The following PIGZ variants were observed in gnomAD, a reference collection of about 807,000 sequenced individuals.
The protein encoded by PIGZ is phosphatidylinositol glycan anchor biosynthesis class Z (Gwada blood group), also known as GPI alpha-1,2-mannosyltransferase 4.
In PIGZ, 16 loss-of-function variants were observed where a neutral mutation model predicts 16.4. The observed-to-expected ratio is 0.97, with a 90% confidence interval of 0.66 to 1.48. The LOEUF (loss-of-function observed/expected upper bound fraction) is 1.48, where lower values mean the gene tolerates loss of function less well. PIGZ is among the 40% of genes most tolerant of loss of function. PIGZ has a pLI of 0.00. For missense variants in PIGZ, 770 were observed against 739.2 expected (o/e 1.04, Z -0.48); for synonymous variants, 409 against 338.4 (o/e 1.21, Z -2.29).
rs942681872 is a variant in PIGZ, at chr3:196,968,810, G to A, written c.-124C>T. 6.6e-6 allele frequency: 1 copy of A among 150,446 alleles called. No homozygotes were observed. Among genetic ancestry groups the A allele is most frequent in the African/African-American group, 2.4e-5 (1 of 41,262 alleles). 9.3% of individuals were successfully genotyped at this position (150,446 alleles called of 1,614,324 possible). ...GAGGGGAGGCCGTGGGAGCGGCCGG[G>A]CGCGCCTCAGCAGCGCGGAGACTGG... is the stretch of plus-strand genomic sequence containing the variant. On this transcript the variant is annotated 5_prime_UTR_variant, in exon 1 of 3. Coordinates refer to ENST00000412723, the MANE Select transcript of PIGZ (RefSeq NM_025163.4).
rs1248695821 is a variant in PIGZ, at chr3:196,946,740, G to GGTTGCCTATC, written c.*416_*417insGATAGGCAAC. 2.5e-5 allele frequency: 4 copies of GGTTGCCTATC among 160,688 alleles called. No homozygotes were observed. Among genetic ancestry groups the GGTTGCCTATC allele is most frequent in the African/African-American group, 7.2e-5 (3 of 41,698 alleles). 10.0% of individuals were successfully genotyped at this position (160,688 alleles called of 1,614,324 possible). ...TATTTCGATAGGCAGATGGGTCTTA[G>GGTTGCCTATC]GAAGCCAGAGGGTTGTCATGACAGC... On this transcript the variant is annotated 3_prime_UTR_variant, in exon 3 of 3. Coordinates refer to ENST00000412723, the MANE Select transcript of PIGZ (RefSeq NM_025163.4).
In PIGZ at chr3:196,947,430, C is replaced by T. The variant is rs200103570; in HGVS notation, c.1467G>A (p.Gly489=). ...GAPVEVVDMG[G]TEDWALCQTL... is the part of the protein sequence containing the mutation. ...TTTGGCACAGGGCCCAGTCCTCAGTCCCCCCCATGTCCACCACCTCCACTG... is the reference window on the plus strand; with the variant it reads ...TTTGGCACAGGGCCCAGTCCTCAGTTCCCCCCATGTCCACCACCTCCACTG... The change falls in exon 3 of 3, where the codon GGG becomes GGA. Residue 489 remains glycine (G), a synonymous_variant. Transcript: ENST00000412723. 17 of 1,613,414 alleles carry T rather than the reference C, an allele frequency of 1.1e-5. No individual in the cohort carries two copies. The East Asian group carries it at 2.9e-4, about 27-fold the overall frequency.
At chr3:196,966,950 G>C (rs556961926) in intron 1 of PIGZ, among the ~76,000 whole-genome samples, 33 of 152,250 alleles carry the variant, frequency 2.2e-4, no homozygotes, top group African/African-American at 7.9e-4. Flanking sequence ...ACAGGGCCCA[G>C]AGTCGTGGAG....
At chr3:196,961,820 A>G (rs1318268578) in intron 1 of PIGZ, among the ~76,000 whole-genome samples, 3 of 152,230 alleles carry the variant, frequency 2.0e-5, no homozygotes, top group Admixed American at 1.3e-4. Flanking sequence ...GTATAATTTT[A>G]AAGTGTACAA....
chr3:196,948,049 G>A lies in PIGZ; in HGVS notation c.848C>T (p.Pro283Leu), dbSNP rs1314722459. Residue 283 changes from proline to leucine, a missense_variant, in exon 3 of 3, where the codon CCC becomes CTC. Coordinates refer to ENST00000412723, the MANE Select transcript of PIGZ (RefSeq NM_025163.4). ...CAGGACAAGGTTCCTGGATGTAGCG[G>A]GGCTGGAGAAATACCAGCTGTCCGT... ...VATDSWYFSS[P>L]ATSRNLVLTP... is the part of the protein sequence containing the mutation. The A allele has an allele frequency of 3.8e-6, 6 of 1,589,442 alleles. No homozygotes were observed. Among genetic ancestry groups the A allele is most frequent in the Non-Finnish European group, 4.3e-6 (5 of 1,165,028 alleles).
At position 196,947,468 on chromosome 3, in the gene PIGZ, C is replaced by CTGGGAGGTG; in HGVS notation, c.1420_1428dup (p.His474_Pro476dup). 1.2e-6 allele frequency: 2 copies of CTGGGAGGTG among 1,613,578 alleles called. No individual in the cohort carries two copies. Among genetic ancestry groups the CTGGGAGGTG allele is most frequent in the East Asian group, 4.5e-5 (2 of 44,868 alleles). On this transcript the variant is annotated inframe_insertion, in exon 3 of 3. Transcript: ENST00000412723. ...ACCACCTCCACTGGTGCCCCCAGGC[C>CTGGGAGGTG]TGGGAGGTGTAGGAGGTGCCGGGGG...
intron 1 of PIGZ, among the ~76,000 whole-genome samples, chr3:196,955,563 C>CTTTCTTTTTTTT (rs1560185817): frequency 9.4e-6 from 1 of 105,930 alleles, no homozygotes. Context: ...CTTTTCTTTT[C>CTTTCTTTTTTTT]TTTTCTTTCT....
At chr3:196,950,032 C>T (rs1288837641) in intron 2 of PIGZ, among the ~76,000 whole-genome samples, 1 of 151,958 alleles carries the variant, frequency 6.6e-6, no homozygotes, top group African/African-American at 2.4e-5. Context: ...GTCACGCATG[C>T]TAGAGTCCAG....
chr3:196,968,439 C>T (rs1345878382), intron 1 of PIGZ, among the ~76,000 whole-genome samples: 1 of 152,230 alleles, frequency 6.6e-6, no homozygotes, highest in Non-Finnish European at 1.5e-5. Context: ...CCTTCCTGGG[C>T]AAATGTCACC....
intron 2 of PIGZ, among the ~76,000 whole-genome samples, chr3:196,949,653 G>A (rs780993114): frequency 5.3e-5 from 8 of 152,186 alleles, no homozygotes; most frequent in Non-Finnish European, 1.0e-4. Flanking sequence ...TGAGCTGCTC[G>A]TAGGATTTTG....
chr3:196,952,585 A>G (rs1717332156), intron 1 of PIGZ, among the ~76,000 whole-genome samples: 1 of 152,068 alleles, frequency 6.6e-6, no homozygotes, highest in Non-Finnish European at 1.5e-5. Flanking sequence ...TTACAGGCAC[A>G]CGCCACTACG....
intron 1 of PIGZ, among the ~76,000 whole-genome samples, chr3:196,960,017 C>T (rs73208209): frequency 0.11 from 16,985 of 152,322 alleles, 1,236 homozygotes; most frequent in Middle Eastern, 0.21. Context: ...ATGGGATGTT[C>T]GTGCATCAGC....
chr3:196,964,300 C>T (rs575963384), intron 1 of PIGZ, among the ~76,000 whole-genome samples: 5 of 152,224 alleles, frequency 3.3e-5, no homozygotes, highest in East Asian at 3.9e-4. Flanking sequence ...CCGCCCACCT[C>T]GGCCTCCCAA....
rs935557075 is a variant in PIGZ at position 196,965,761 on chromosome 3, T to C, written c.-1+2926A>G. Among the ~76,000 whole-genome samples, 2 of 152,132 alleles carry C rather than the reference T, an allele frequency of 1.3e-5. No homozygotes were observed. Among genetic ancestry groups the C allele is most frequent in the Non-Finnish European group, 2.9e-5 (2 of 68,020 alleles). On this transcript the variant is annotated intron_variant, in intron 1 of 2. Transcript: ENST00000412723. The surrounding 1 kb of genome is among the most constrained non-coding windows in gnomAD (Gnocchi z 4.2). ...TTGTTTCTGTTTGCAAACAGCCCCC[T>C]CCTTTGTTAACCAGTGTGTCATATA...
intron 1 of PIGZ, among the ~76,000 whole-genome samples, chr3:196,961,246 C>A (rs1717711336): frequency 6.6e-6 from 1 of 152,202 alleles, no homozygotes. Flanking sequence ...TCCTCACTTT[C>A]CTGATACGGG....
At chr3:196,956,801 A>AT (rs1355218176) in intron 1 of PIGZ, among the ~76,000 whole-genome samples, 3 of 151,866 alleles carry the variant, frequency 2.0e-5, no homozygotes, top group East Asian at 3.9e-4. Flanking sequence ...AAGTTGTTTG[A>AT]TTTTTTTCCA....
At chr3:196,963,671 T>C (rs535224400) in intron 1 of PIGZ, among the ~76,000 whole-genome samples, 166 of 152,362 alleles carry the variant, frequency 1.1e-3, no homozygotes, top group African/African-American at 3.9e-3. Flanking sequence ...ACCTCCTGGG[T>C]TGGAGCTGGC....
chr3:196,958,511 A>G (rs539626496), intron 1 of PIGZ, among the ~76,000 whole-genome samples: 40 of 152,362 alleles, frequency 2.6e-4, no homozygotes, highest in Non-Finnish European at 3.8e-4. Flanking sequence ...GGCGCCTGTC[A>G]TCCCAGCTAC....
In PIGZ at chr3:196,947,195, G is replaced by A. The variant is rs370198315; in HGVS notation, c.1702C>T (p.Leu568Phe). 2.5e-6 allele frequency: 4 copies of A among 1,578,816 alleles called. No homozygotes were observed. Among genetic ancestry groups the A allele is most frequent in the African/African-American group, 1.3e-5 (1 of 74,292 alleles). ...SLLSGAWRDHLSLHIVELGEE... is the reference protein window; with the variant it reads ...SLLSGAWRDHFSLHIVELGEE... ...CCCAGCTCCACAATGTGAAGACTGA[G>A]GTGGTCCCTCCAAGCCCCACTCAGC... is the stretch of plus-strand genomic sequence containing the variant. The change falls in exon 3 of 3, where the codon CTC becomes TTC. Residue 568 changes from leucine to phenylalanine, a missense_variant. By Grantham distance (22) the Leu-to-Phe change is conservative. Coordinates refer to ENST00000412723, the MANE Select transcript of PIGZ (RefSeq NM_025163.4).
Sources: gnomAD v4.1 joint callset for allele counts (sites outside exome capture counted in the v4.1 genomes callset) on GRCh38, gnomAD v4.1.1 for gene constraint, Gnocchi (gnomAD v3.1) non-coding constraint, MANE v1.5 for transcripts, NCBI Gene and HGNC (gene_info 2026-07-23, HGNC 2026-07-21) for gene names.